Variants in HSD17B12 observed in about 807,000 individuals in gnomAD.
The protein encoded by HSD17B12 is very-long-chain 3-oxoacyl-CoA reductase.
In HSD17B12, 32 loss-of-function variants were observed where a neutral mutation model predicts 39.3. The observed-to-expected ratio is 0.81, with a 90% CI of 0.61 to 1.09. The LOEUF is 1.09. Among genes scored for constraint, HSD17B12 ranks in the 50% least tolerant of loss-of-function variants. The pLI is 0.00. For missense variants in HSD17B12, 342 were observed against 382.9 expected (o/e 0.89, Z 0.89); for synonymous variants, 150 against 146.7 (o/e 1.02, Z -0.16).
chr11:43,822,567 G>A (rs991472499), intron 6 of HSD17B12, among the ~76,000 whole-genome samples: 2 of 152,142 alleles, frequency 1.3e-5, no homozygotes, highest in Non-Finnish European at 2.9e-5. Flanking sequence ...CCACCTGTGA[G>A]TGAGAACATG....
the HSD17B12 span, among the ~76,000 whole-genome samples, chr11:43,564,178 T>C: frequency 3.3e-5 from 5 of 152,132 alleles, no homozygotes; most frequent in African/African-American, 4.8e-5. Context: ...CATGGGCTGA[T>C]TATTTTAGAG....
intron 3 of HSD17B12, among the ~76,000 whole-genome samples, chr11:43,766,985 T>C (rs1334291162): frequency 6.6e-6 from 1 of 152,228 alleles, no homozygotes; most frequent in Admixed American, 6.5e-5. Flanking sequence ...CACCAATTAG[T>C]TGGCCCAGCT....
At chr11:43,722,910 A>C (rs1464853474) in intron 1 of HSD17B12, among the ~76,000 whole-genome samples, 4 of 152,124 alleles carry the variant, frequency 2.6e-5, no homozygotes, top group Non-Finnish European at 5.9e-5. Flanking sequence ...GGAATTGAAC[A>C]GGGGTAGTGA....
In HSD17B12 at chr11:43,838,858, G is replaced by T. The variant is rs573956660; in HGVS notation, c.618+460G>T. Among the ~76,000 whole-genome samples the T allele has an allele frequency of 8.1e-4, 124 of 152,242 alleles. 1 individual carries two copies. Among genetic ancestry groups the T allele is most frequent in the African/African-American group, 2.9e-3 (119 of 41,552 alleles). On this transcript the variant is annotated intron_variant, in intron 8 of 10. Coordinates refer to ENST00000278353, the MANE Select transcript of HSD17B12 (RefSeq NM_016142.3). The stretch of plus-strand genomic sequence containing the variant: ...ATAGCAGGCACAAGATAGACTGGGC[G>T]AGAGTGTATTTTGCCATGTTGTCCA...
chr11:43,638,238 T>C, the HSD17B12 span, among the ~76,000 whole-genome samples: 2 of 152,190 alleles, frequency 1.3e-5, no homozygotes, highest in Non-Finnish European at 2.9e-5. Flanking sequence ...ACATTTTACT[T>C]TTCTATGAGA....
At chr11:43,797,674 G>A (rs1950927365) in intron 3 of HSD17B12, among the ~76,000 whole-genome samples, 1 of 152,166 alleles carries the variant, frequency 6.6e-6, no homozygotes, top group Admixed American at 6.5e-5. Context: ...TCTCATTTCT[G>A]AAGCTATTAT....
At chr11:43,584,066 A>G in the HSD17B12 span, among the ~76,000 whole-genome samples, 1 of 152,150 alleles carries the variant, frequency 6.6e-6, no homozygotes, top group Admixed American at 6.5e-5. Context: ...CAGGCAAAGC[A>G]GTTTTGCATG....
At chr11:43,791,001 A>G in intron 3 of HSD17B12, among the ~76,000 whole-genome samples, 1 of 151,914 alleles carries the variant, frequency 6.6e-6, no homozygotes, top group Admixed American at 6.6e-5. Context: ...TCTCAAAAAA[A>G]CAAAAAACAA....
intron 9 of HSD17B12, among the ~76,000 whole-genome samples, chr11:43,843,786 T>C (rs980840494): frequency 6.6e-6 from 1 of 152,206 alleles, no homozygotes; most frequent in African/African-American, 2.4e-5. Context: ...AGGCCTTTCT[T>C]TGGGCTCTCG....
At chr11:43,787,524 G>A (rs1950826546) in intron 3 of HSD17B12, among the ~76,000 whole-genome samples, 1 of 151,880 alleles carries the variant, frequency 6.6e-6, no homozygotes, top group Non-Finnish European at 1.5e-5. Context: ...ATCACCTGAG[G>A]TCAGGAGATC....
intron 1 of HSD17B12, among the ~76,000 whole-genome samples, chr11:43,690,422 C>G (rs1195719448): frequency 4.5e-4 from 6 of 13,350 alleles, no homozygotes; most frequent in East Asian, 2.2e-3. Flanking sequence ...TTTTTTTTTT[C>G]TGAGACAGGG....
At chr11:43,669,491 A>G in the HSD17B12 span, among the ~76,000 whole-genome samples, 2 of 144,992 alleles carry the variant, frequency 1.4e-5, no homozygotes, top group Non-Finnish European at 3.0e-5. Flanking sequence ...ACAAAGTTAG[A>G]CTCTGTTTCA....
the HSD17B12 span, among the ~76,000 whole-genome samples, chr11:43,574,207 A>G: frequency 6.6e-6 from 1 of 152,238 alleles, no homozygotes; most frequent in African/African-American, 2.4e-5. Context: ...CAGGCAAGTT[A>G]CAAAGAGTAG....
chr11:43,777,329 G>T (rs1203863862), intron 3 of HSD17B12, among the ~76,000 whole-genome samples: 4 of 152,152 alleles, frequency 2.6e-5, no homozygotes, highest in South Asian at 2.1e-4. Flanking sequence ...CACATCCCTT[G>T]TAAGTTGGAT....
the HSD17B12 span, among the ~76,000 whole-genome samples, chr11:43,584,136 C>A: frequency 6.6e-6 from 1 of 152,296 alleles, no homozygotes; most frequent in African/African-American, 2.4e-5. Flanking sequence ...TGCCTCTTCC[C>A]CACTCCTAGA....
the HSD17B12 span, among the ~76,000 whole-genome samples, chr11:43,635,827 A>C: frequency 1.4e-5 from 2 of 140,880 alleles, no homozygotes; most frequent in African/African-American, 5.7e-5. Context: ...TTATGACTAT[A>C]GTAGCTATGT....
intron 10 of HSD17B12, 76 bp from the exon 11 acceptor site, chr11:43,855,068 A>T: frequency 8.5e-7 from 1 of 1,170,486 alleles, no homozygotes; most frequent in Non-Finnish European, 1.2e-6. Flanking sequence ...ACTATAATAA[A>T]ACATTAAATC....
At chr11:43,662,284 C>T in the HSD17B12 span, among the ~76,000 whole-genome samples, 14 of 151,464 alleles carry the variant, frequency 9.2e-5, no homozygotes, top group Non-Finnish European at 1.6e-4. Flanking sequence ...CTGCAACCTC[C>T]GCTTCCTGGG....
chr11:43,703,069 G>A (rs1949980806), intron 1 of HSD17B12, among the ~76,000 whole-genome samples: 1 of 151,958 alleles, frequency 6.6e-6, no homozygotes, highest in Non-Finnish European at 1.5e-5. Context: ...TCTAGTTTTG[G>A]TATCAAAGTA....
Sources: allele counts gnomAD v4.1 joint callset (sites outside exome capture counted in the v4.1 genomes callset), GRCh38; gene constraint gnomAD v4.1.1; transcripts MANE v1.5; gene names NCBI Gene and HGNC (gene_info 2026-07-23, HGNC 2026-07-21).